The following HABP2 variants were observed in gnomAD, a reference collection of about 807,000 sequenced individuals.
The protein encoded by HABP2 is hyaluronan binding protein 2.
HABP2 carries 65 observed loss-of-function variants against 66.5 expected under a neutral mutation model. That is an observed-to-expected ratio of 0.98 (90% CI 0.80 to 1.20). The LOEUF (loss-of-function observed/expected upper bound fraction) is 1.20, where lower values mean the gene tolerates loss of function less well. Ranked by LOEUF, HABP2 falls within the 50% of genes most tolerant of loss-of-function variation. HABP2 has a pLI of 0.00. For missense variants in HABP2, 786 were observed against 691.0 expected (o/e 1.14, Z -1.54); for synonymous variants, 263 against 253.9 (o/e 1.04, Z -0.34).
At chr10:113,558,210 G>A (rs573080359) in intron 1 of HABP2, among the ~76,000 whole-genome samples, 50 of 152,310 alleles carry the variant, frequency 3.3e-4, no homozygotes, top group African/African-American at 6.7e-4. Context: ...GAGTCTTGCC[G>A]GCTAGCAAAC....
At chr10:113,578,863 T>G (rs888765269) in intron 7 of HABP2, 65 bp downstream of exon 7, 2 of 1,047,572 alleles carry the variant, frequency 1.9e-6, no homozygotes, top group Admixed American at 3.6e-5. Flanking sequence ...ATCATTGAAA[T>G]TCATCAGCCT....
rs1383991147 is a variant in HABP2 at position 113,575,967 on chromosome 10, C to G, written c.294C>G (p.Ser98Arg). ...CLVHGSTFTC[S>R]CLAPFSGNKC... ...TCCATGGGAGCACCTTCACATGCAG[C>G]TGCCTGGCTCCTTTCTCTGGGAATA... The change falls in exon 4 of 13, where the codon AGC becomes AGG. Residue 98 changes from serine to arginine, a missense_variant. Transcript: ENST00000351270. 6.2e-7 allele frequency: 1 copy of G among 1,609,110 alleles called. No individual in the cohort carries two copies. Among genetic ancestry groups the G allele is most frequent in the Non-Finnish European group, 8.5e-7 (1 of 1,175,466 alleles).
chr10:113,582,157 AG>A, intron 9 of HABP2, 26 bp downstream of exon 9: 2 of 1,584,352 alleles, frequency 1.3e-6, no homozygotes, highest in Non-Finnish European at 1.7e-6. Context: ...AGCAGGGACC[AG>A]GGTGGCTTGA....
At chr10:113,569,404 A>C (rs1338856913) in intron 2 of HABP2, among the ~76,000 whole-genome samples, 1 of 152,110 alleles carries the variant, frequency 6.6e-6, no homozygotes, top group Non-Finnish European at 1.5e-5. Context: ...GTCCGACTTA[A>C]CCTCTCACAG....
At position 113,575,791 on chromosome 10, in the gene HABP2, ACTCT is replaced by A. The variant is rs1410600365; in HGVS notation, c.224-102_224-99del. ...TTCCCCAGTTTCTGGCTCAGTAGTT[ACTCT>A]CTCATTTGGGGCAGGAGACTGAAAT... On this transcript the variant is annotated intron_variant, in intron 3 of 12. Coordinates refer to ENST00000351270, the MANE Select transcript of HABP2 (RefSeq NM_004132.5). The A allele has an allele frequency of 1.2e-4, 84 of 689,716 alleles. No homozygotes were observed. In the East Asian group the frequency reaches 2.0e-3, roughly 17 times the overall value. 42.7% of individuals were successfully genotyped at this position (689,716 alleles called of 1,614,324 possible).
chr10:113,573,995 T>A (rs1007448291), intron 2 of HABP2, among the ~76,000 whole-genome samples: 1 of 152,176 alleles, frequency 6.6e-6, no homozygotes, highest in African/African-American at 2.4e-5. Flanking sequence ...TTGGCTTTCC[T>A]AAGTTCAAGG....
chr10:113,575,766 T>C, intron 3 of HABP2, 131 bp from the exon 4 acceptor site: 1 of 666,776 alleles, frequency 1.5e-6, no homozygotes, highest in Non-Finnish European at 2.7e-6. Flanking sequence ...TTTTCCTCCT[T>C]TCCCCAGTTT....
At position 113,585,776 on chromosome 10, in the gene HABP2, C is replaced by T. The variant is rs1845620947; in HGVS notation, c.1373-17C>T. The T allele has an allele frequency of 6.2e-7, 1 of 1,610,052 alleles. No individual in the cohort carries two copies. Among genetic ancestry groups the T allele is most frequent in the South Asian group, 1.1e-5 (1 of 91,006 alleles). ...GTCCCCACAGTAGTGACTCTTTTCTCTGCACCTTCCCCACAGGAAAAGGGT... is the reference window on the plus strand; with the variant it reads ...GTCCCCACAGTAGTGACTCTTTTCTTTGCACCTTCCCCACAGGAAAAGGGT... On this transcript the variant is annotated splice_polypyrimidine_tract_variant and intron_variant, in intron 11 of 12. Transcript: ENST00000351270.
rs535968412 is a variant in HABP2 at position 113,575,468 on chromosome 10, C to T, written c.224-429C>T. On this transcript the variant is annotated intron_variant, in intron 3 of 12. Coordinates refer to ENST00000351270, the MANE Select transcript of HABP2 (RefSeq NM_004132.5). ...TTGCGTTTCATTAGGGGTGGGTTTT[C>T]TTTCCCCACTCCTGACCTCCACCCC... Among the ~76,000 whole-genome samples the T allele has an allele frequency of 1.4e-3, 208 of 152,288 alleles. 2 individuals are homozygous for T. The highest frequency in any genetic ancestry group is 2.6e-3 in the Non-Finnish European group (180 of 68,004).
Position 113,582,051 on chromosome 10 carries a change from C to T in HABP2, c.1014C>T (p.Thr338=), listed in dbSNP as rs1255886694. ...QASLQSSLPL[T]ISMPQGHFCG... ...CCCTCCAGTCCTCGCTGCCTCTGAC[C>T]ATCTCCATGCCCCAGGGCCACTTCT... The change falls in exon 9 of 13, where the codon ACC becomes ACT. Residue 338 remains threonine (T), a synonymous_variant. Coordinates refer to ENST00000351270, the MANE Select transcript of HABP2 (RefSeq NM_004132.5). 3 of 1,613,778 alleles carry T rather than the reference C, an allele frequency of 1.9e-6. No individual in the cohort carries two copies. The highest frequency in any genetic ancestry group is 2.5e-6 in the Non-Finnish European group (3 of 1,179,980).
In HABP2 at chr10:113,568,271, G is replaced by A. The variant is rs575680167; in HGVS notation, c.106+746G>A. ...TGCTCGCCACTCCATCTGGCCAGAG[G>A]CCAACAACCCCACTGGTAGAGATCT... On this transcript the variant is annotated intron_variant, in intron 2 of 12. Coordinates refer to ENST00000351270, the MANE Select transcript of HABP2 (RefSeq NM_004132.5). Among the ~76,000 whole-genome samples, 11 of 152,346 alleles carry A rather than the reference G, an allele frequency of 7.2e-5. No individual in the cohort carries two copies. The South Asian group carries it at 2.3e-3, about 32-fold the overall frequency.
At chr10:113,554,033 C>T (rs1844947557) in intron 1 of HABP2, among the ~76,000 whole-genome samples, 1 of 152,172 alleles carries the variant, frequency 6.6e-6, no homozygotes, top group Non-Finnish European at 1.5e-5. Flanking sequence ...AGCTTTGCCA[C>T]ATTCTAGCTG....
chr10:113,559,862 G>A (rs1401915394), intron 1 of HABP2, among the ~76,000 whole-genome samples: 1 of 152,242 alleles, frequency 6.6e-6, no homozygotes, highest in Non-Finnish European at 1.5e-5. Flanking sequence ...TTTAGAGCAG[G>A]GAAGCTGCAC....
At chr10:113,571,996 T>A (rs1454088827) in intron 2 of HABP2, among the ~76,000 whole-genome samples, 2 of 152,182 alleles carry the variant, frequency 1.3e-5, no homozygotes, top group African/African-American at 4.8e-5. Flanking sequence ...CAGATGATAC[T>A]CCTGTAAAGC....
In HABP2 at chr10:113,588,204, G is replaced by A; in HGVS notation, c.1519-1G>A. ...TGAGCTTATGCCTCTGTTTCCCTTAGGGTGACTCTGGAGGCCCCCTGACCT... is the reference window on the plus strand; with the variant it reads ...TGAGCTTATGCCTCTGTTTCCCTTAAGGTGACTCTGGAGGCCCCCTGACCT... On this transcript the variant is annotated splice_acceptor_variant, in intron 12 of 12. Transcript: ENST00000351270. LOFTEE classifies it high-confidence loss of function. 1.2e-6 allele frequency: 2 copies of A among 1,600,502 alleles called. No homozygotes were observed. The highest frequency in any genetic ancestry group is 2.3e-5 in the South Asian group (2 of 88,488).
intron 2 of HABP2, among the ~76,000 whole-genome samples, chr10:113,572,475 T>C (rs901802974): frequency 1.3e-5 from 2 of 152,200 alleles, no homozygotes; most frequent in Non-Finnish European, 2.9e-5. Flanking sequence ...CATTTATCTA[T>C]AAACATCTGT....
Position 113,554,139 on chromosome 10 carries a change from G to C in HABP2, c.69+949G>C, listed in dbSNP as rs549854791. ...CTCATAGATTTGGGGAGGGCCACAA[G>C]TAAACGAGGTCATGTATGTGGCTTG... On this transcript the variant is annotated intron_variant, in intron 1 of 12. Transcript: ENST00000351270. Among the ~76,000 whole-genome samples the C allele has an allele frequency of 1.3e-4, 20 of 152,282 alleles. No individual in the cohort carries two copies. The South Asian group carries it at 4.1e-3, about 32-fold the overall frequency.
intron 8 of HABP2, 117 bp from the exon 9 acceptor site, chr10:113,581,759 C>G: frequency 1.0e-6 from 1 of 962,364 alleles, no homozygotes; most frequent in Non-Finnish European, 1.6e-6. Flanking sequence ...CCAGTGCAGT[C>G]TCTCAGCTCT....
At chr10:113,558,792 G>A (rs1167269628) in intron 1 of HABP2, among the ~76,000 whole-genome samples, 1 of 152,170 alleles carries the variant, frequency 6.6e-6, no homozygotes, top group African/African-American at 2.4e-5. Context: ...GGAAACATGG[G>A]GGCTTGTGCT....
Sources: allele counts gnomAD v4.1 joint callset (sites outside exome capture counted in the v4.1 genomes callset), GRCh38; gene constraint gnomAD v4.1.1; transcripts MANE v1.5; gene names NCBI Gene and HGNC (gene_info 2026-07-23, HGNC 2026-07-21).